Variants in ZNF587 observed in about 807,000 individuals in gnomAD.
The protein encoded by ZNF587 is zinc finger protein 587, also known as zinc finger protein zfp6.
In ZNF587, 8 loss-of-function variants were observed where a neutral mutation model predicts 7.5. The ratio of observed to expected loss-of-function variants is 1.06; its 90% CI spans 0.62 to 1.92. The LOEUF (loss-of-function observed/expected upper bound fraction) is 1.92. Among genes scored for constraint, ZNF587 ranks in the 40% most tolerant of loss-of-function variants. ZNF587 has a pLI of 0.00. For missense variants in ZNF587, 468 were observed against 692.8 expected (o/e 0.68, Z 3.64); for synonymous variants, 145 against 237.8 (o/e 0.61, Z 3.59).
intron 1 of ZNF587, 110 bp downstream of exon 1, chr19:57,850,181 A>G (rs58754895): frequency 0.38 from 601,711 of 1,599,714 alleles, 116,942 homozygotes; most frequent in African/African-American, 0.57. Context: ...CCGGCGTAGG[A>G]ACACTGAGGC....
At position 57,860,548 on chromosome 19, in the gene ZNF587, A is replaced by C. The variant is rs776536002; in HGVS notation, c.*408A>C. 4.7e-5 allele frequency: 12 copies of C among 253,632 alleles called. No homozygotes were observed. The highest frequency in any genetic ancestry group is 9.2e-5 in the Non-Finnish European group (12 of 129,984). The allele number at this position is 253,632 out of a possible 1,614,324, so 15.7% of individuals were successfully genotyped here. A position where few individuals can be genotyped will look rare whatever the true frequency, so the allele number is the denominator to read the frequency against. ...CTCCCAAAGTGCTGAAATTACAGGCATGAGCCTCTGCACCTGGCCTTCATT... is the reference window on the plus strand; with the variant it reads ...CTCCCAAAGTGCTGAAATTACAGGCCTGAGCCTCTGCACCTGGCCTTCATT... On this transcript the variant is annotated 3_prime_UTR_variant, in exon 3 of 3. Transcript: ENST00000339656.
chr19:57,857,861 CCTGACGT>C (rs1409421129), intron 2 of ZNF587, among the ~76,000 whole-genome samples: 2 of 151,824 alleles, frequency 1.3e-5, no homozygotes, highest in African/African-American at 2.4e-5. Context: ...GTCTCGAACT[CCTGACGT>C]CAGGTGATCT....
intron 1 of ZNF587, among the ~76,000 whole-genome samples, chr19:57,854,429 A>C (rs2071324273): frequency 6.6e-6 from 1 of 152,100 alleles, no homozygotes; most frequent in Non-Finnish European, 1.5e-5. Context: ...GTATTTGTCA[A>C]GCATAGTCTG....
chr19:57,854,657 C>T (rs2071328035), intron 1 of ZNF587, among the ~76,000 whole-genome samples: 1 of 151,760 alleles, frequency 6.6e-6, no homozygotes, highest in Non-Finnish European at 1.5e-5. Flanking sequence ...GTTTCAATTC[C>T]ATCCCTACCA....
Position 57,849,966 on chromosome 19 carries a change from G to A in ZNF587, c.-73G>A, listed in dbSNP as rs28577146. 612,542 of 1,612,156 alleles carry A rather than the reference G, an allele frequency of 0.38. 121,990 individuals carry two copies. Among genetic ancestry groups the A allele is most frequent in the African/African-American group, 0.63 (47,445 of 74,814 alleles). ...TAGAAGGTGGAGAGGAATCGTCCTC[G>A]GTGCCCAGAGGCGGCTCTGCAGCCC... On this transcript the variant is annotated 5_prime_UTR_variant, in exon 1 of 3. Coordinates refer to ENST00000339656, the MANE Select transcript of ZNF587 (RefSeq NM_032828.4).
intron 1 of ZNF587, chr19:57,852,530 C>T (rs1246296873): frequency 1.4e-5 from 5 of 355,672 alleles, no homozygotes; most frequent in Admixed American, 4.7e-5. Context: ...GCTAGGTTTT[C>T]TTTTTTTTTT....
chr19:57,859,919 T>A lies in ZNF587; in HGVS notation c.1507T>A (p.Ser503Thr). ...ECSECGKSFLSSSALHVHKRV... is the reference protein window; with the variant it reads ...ECSECGKSFLTSSALHVHKRV... ...CAGTGAATGTGGGAAATCATTTCTT[T>A]CCAGCTCTGCGCTTCATGTTCATAA... is the stretch of plus-strand genomic sequence containing the variant. Residue 503 changes from serine (S) to threonine (T), a missense_variant, in exon 3 of 3, where the codon TCC (serine) becomes ACC (threonine). Physicochemically the swap from Ser to Thr is moderately conservative, Grantham distance 58. Transcript: ENST00000339656. 6.2e-7 allele frequency: 1 copy of A among 1,613,894 alleles called. No individual in the cohort carries two copies. Among genetic ancestry groups the A allele is most frequent in the Non-Finnish European group, 8.5e-7 (1 of 1,179,964 alleles).
chr19:57,857,604 G>A (rs554765532), intron 2 of ZNF587, among the ~76,000 whole-genome samples: 1 of 149,186 alleles, frequency 6.7e-6, no homozygotes, highest in South Asian at 2.1e-4. Context: ...GTATATATAT[G>A]TGTGTATGTG....
Position 57,861,800 on chromosome 19 carries a change from T to C in ZNF587, c.*1660T>C. On this transcript the variant is annotated 3_prime_UTR_variant, in exon 3 of 3. Coordinates refer to ENST00000339656, the MANE Select transcript of ZNF587 (RefSeq NM_032828.4). ...TTTTTTTTTTTTTTTCCAGATGGAG[T>C]CTAGCTCTGTCTCCTAAGCTACAGT... 8.7e-6 allele frequency: 1 copy of C among 115,144 alleles called. No individual in the cohort carries two copies. The allele number at this position is 115,144 out of a possible 1,614,324, so 7.1% of individuals were successfully genotyped here.
Position 57,858,393 on chromosome 19 carries a change from C to G in ZNF587, c.164-183C>G, listed in dbSNP as rs891031625. 3.1e-6 allele frequency: 4 copies of G among 1,272,978 alleles called. No individual in the cohort carries two copies. The African/African-American group carries it at 6.1e-5, about 19-fold the overall frequency. 78.9% of individuals were successfully genotyped at this position (1,272,978 alleles called of 1,614,324 possible). On this transcript the variant is annotated intron_variant, in intron 2 of 2. Coordinates refer to ENST00000339656, the MANE Select transcript of ZNF587 (RefSeq NM_032828.4). ...CCACCCGCCTCAGCCTCCCAAAGTG[C>G]TGGGATTACAGGTGTGAGCCACCAT...
At position 57,860,255 on chromosome 19, in the gene ZNF587, C is replaced by G. The variant is rs1349438985; in HGVS notation, c.*115C>G. The G allele has an allele frequency of 6.3e-7, 1 of 1,580,986 alleles. No homozygotes were observed. The highest frequency in any genetic ancestry group is 8.6e-7 in the Non-Finnish European group (1 of 1,157,768). On this transcript the variant is annotated 3_prime_UTR_variant, in exon 3 of 3. Transcript: ENST00000339656. ...GTCAATGTGGAAAACATCAGAATGT[C>G]TGCTGTCCTCGGTCTTAAGCGACTT... is the stretch of plus-strand genomic sequence containing the variant.
At chr19:57,852,840 CTTTTTTTTTTTTTTTTT>C (rs35543941) in intron 1 of ZNF587, among the ~76,000 whole-genome samples, 31 of 25,286 alleles carry the variant, frequency 1.2e-3, no homozygotes, top group African/African-American at 4.7e-3. Flanking sequence ...GACAGCTAGG[CTTTTTTTTTTTTTTTTT>C]TTTTTTTTTT....
At position 57,860,305 on chromosome 19, in the gene ZNF587, G is replaced by C. The variant is rs1568509845; in HGVS notation, c.*165G>C. The C allele has an allele frequency of 7.2e-7, 1 of 1,381,580 alleles. No individual in the cohort carries two copies. The highest frequency in any genetic ancestry group is 9.9e-7 in the Non-Finnish European group (1 of 1,005,980). 85.6% of individuals were successfully genotyped at this position (1,381,580 alleles called of 1,614,324 possible). On this transcript the variant is annotated 3_prime_UTR_variant, in exon 3 of 3. Coordinates refer to ENST00000339656, the MANE Select transcript of ZNF587 (RefSeq NM_032828.4). ...TCGTGTTGAGATGGAGTCTTGTTCT[G>C]TCACCCAGGCTGGAGTGCAGTGGTG...
In ZNF587 at chr19:57,862,970, T is replaced by C. The variant is rs1320806597; in HGVS notation, c.*2830T>C. Reference sequence around the variant, plus strand: ...TTATTGAGTGGACACTTTGTGTTTTTTTTGAGAAGTCTCACTCTTTCACCC... The same window carrying C: ...TTATTGAGTGGACACTTTGTGTTTTCTTTGAGAAGTCTCACTCTTTCACCC... On this transcript the variant is annotated 3_prime_UTR_variant, in exon 3 of 3. Coordinates refer to ENST00000339656, the MANE Select transcript of ZNF587 (RefSeq NM_032828.4). 1 of 154,444 alleles carries C rather than the reference T, an allele frequency of 6.5e-6. No individual in the cohort carries two copies. Among genetic ancestry groups the C allele is most frequent in the Non-Finnish European group, 1.5e-5 (1 of 68,258 alleles). The allele number at this position is 154,444 out of a possible 1,614,324, so 9.6% of individuals were successfully genotyped here. A position where few individuals can be genotyped will look rare whatever the true frequency, so the allele number is the denominator to read the frequency against.
intron 1 of ZNF587, chr19:57,850,894 A>C: frequency 4.3e-6 from 1 of 234,068 alleles, no homozygotes; most frequent in Non-Finnish European, 8.2e-6. Context: ...CCTTGAACAA[A>C]GGCGTGTGTC....
intron 2 of ZNF587, among the ~76,000 whole-genome samples, chr19:57,856,552 C>T (rs2071358680): frequency 6.6e-6 from 1 of 151,908 alleles, no homozygotes; most frequent in Non-Finnish European, 1.5e-5. Context: ...GGACTACAGG[C>T]GACTACCACC....
chr19:57,856,930 T>A (rs1465425003), intron 2 of ZNF587: 1 of 151,980 alleles, frequency 6.6e-6, no homozygotes, highest in African/African-American at 2.4e-5. Context: ...AGAATTGCCT[T>A]CATTGACATT....
At chr19:57,854,202 G>A (rs930748423) in intron 1 of ZNF587, 2 of 152,156 alleles carry the variant, frequency 1.3e-5, no homozygotes, top group South Asian at 2.1e-4. Flanking sequence ...AAATCCAGGG[G>A]CTGGGCTTTA....
chr19:57,855,574 T>G (rs2071343321), intron 1 of ZNF587, among the ~76,000 whole-genome samples: 1 of 151,106 alleles, frequency 6.6e-6, no homozygotes, highest in Non-Finnish European at 1.5e-5. Flanking sequence ...TGTTTTTTTT[T>G]TTTTTGAGAT....
Sources: gnomAD v4.1 joint callset for allele counts (sites outside exome capture counted in the v4.1 genomes callset) on GRCh38, gnomAD v4.1.1 for gene constraint, MANE v1.5 for transcripts, NCBI Gene and HGNC (gene_info 2026-07-23, HGNC 2026-07-21) for gene names.